The following HCN1 variants were observed in gnomAD, a reference collection of about 807,000 sequenced individuals.
The protein encoded by HCN1 is potassium/sodium hyperpolarization-activated cyclic nucleotide-gated channel 1.
A neutral mutation model predicts 78.9 loss-of-function variants in HCN1; 13 were observed. The observed-to-expected ratio is 0.16, with a 90% CI of 0.11 to 0.26. The LOEUF is 0.26. Among genes scored for constraint, HCN1 ranks in the 10% least tolerant of loss-of-function variants. HCN1 has a pLI of 1.00. For missense variants in HCN1, 810 were observed against 1,154.3 expected (o/e 0.70, Z 4.32); for synonymous variants, 552 against 455.5 (o/e 1.21, Z -2.70).
chr5:45,460,645 G>T (rs1741127192), intron 3 of HCN1, among the ~76,000 whole-genome samples: 1 of 151,756 alleles, frequency 6.6e-6, no homozygotes, highest in South Asian at 2.1e-4. Flanking sequence ...AATGAAGCGA[G>T]ATCTAGGTAA....
chr5:45,673,742 T>G (rs1746203547), intron 1 of HCN1, among the ~76,000 whole-genome samples: 1 of 151,608 alleles, frequency 6.6e-6, no homozygotes, highest in Admixed American at 6.6e-5. Flanking sequence ...TACAATTAAC[T>G]GATAAGACAT....
intron 1 of HCN1, among the ~76,000 whole-genome samples, chr5:45,667,291 T>C (rs1200410227): frequency 6.6e-6 from 1 of 152,018 alleles, no homozygotes; most frequent in Non-Finnish European, 1.5e-5. Flanking sequence ...CAGAGACCCA[T>C]GCTGGTCCTG....
At chr5:45,554,574 C>A (rs533802102) in intron 2 of HCN1, among the ~76,000 whole-genome samples, 1 of 151,676 alleles carries the variant, frequency 6.6e-6, no homozygotes, top group South Asian at 2.1e-4. Context: ...ATCTGAAAAC[C>A]TGGTTGAAAC....
intron 2 of HCN1, among the ~76,000 whole-genome samples, chr5:45,514,592 G>A (rs529962570): frequency 1.3e-5 from 2 of 151,982 alleles, no homozygotes; most frequent in African/African-American, 4.8e-5. Context: ...TTCTTTATCC[G>A]AAAACCAACC....
At chr5:45,469,733 G>A (rs1741349889) in intron 2 of HCN1, among the ~76,000 whole-genome samples, 1 of 151,674 alleles carries the variant, frequency 6.6e-6, no homozygotes, top group Non-Finnish European at 1.5e-5. Flanking sequence ...TCTTTTCATT[G>A]TGTAGTTCTT....
intron 4 of HCN1, among the ~76,000 whole-genome samples, chr5:45,374,053 TATTA>T (rs1747519699): frequency 1.1e-5 from 1 of 91,206 alleles, no homozygotes; most frequent in Non-Finnish European, 2.1e-5. Flanking sequence ...ATATTATATA[TATTA>T]TATATATAAT....
intron 2 of HCN1, among the ~76,000 whole-genome samples, chr5:45,635,328 CA>C (rs1329352787): frequency 6.6e-6 from 1 of 151,988 alleles, no homozygotes; most frequent in East Asian, 1.9e-4. Context: ...CCCCCATTCT[CA>C]ACTCACATCT....
At chr5:45,415,080 A>G (rs1740093974) in intron 3 of HCN1, among the ~76,000 whole-genome samples, 1 of 152,006 alleles carries the variant, frequency 6.6e-6, no homozygotes, top group African/African-American at 2.4e-5. Context: ...CTGTTCTTTC[A>G]CCAACCTTGG....
intron 5 of HCN1, among the ~76,000 whole-genome samples, chr5:45,329,548 G>C (rs1746304379): frequency 6.6e-6 from 1 of 151,372 alleles, no homozygotes; most frequent in African/African-American, 2.4e-5. Flanking sequence ...GTGGAAGTAA[G>C]AAAACTTTTA....
chr5:45,411,345 T>C (rs1740016855), intron 3 of HCN1, among the ~76,000 whole-genome samples: 2 of 151,868 alleles, frequency 1.3e-5, no homozygotes, highest in South Asian at 4.1e-4. Context: ...TTCCCTCTCT[T>C]TCTTTTAACT....
chr5:45,649,433 G>A (rs1198424965), intron 1 of HCN1, among the ~76,000 whole-genome samples: 1 of 151,902 alleles, frequency 6.6e-6, no homozygotes, highest in African/African-American at 2.4e-5. Flanking sequence ...TTATCAACCA[G>A]AGCCCACAGT....
chr5:45,268,429 T>C (rs1744900802), intron 6 of HCN1, among the ~76,000 whole-genome samples: 1 of 152,230 alleles, frequency 6.6e-6, no homozygotes, highest in South Asian at 2.1e-4. Context: ...GAAGTATTTC[T>C]AAAATTTAGT....
At chr5:45,438,535 G>A (rs1740607258) in intron 3 of HCN1, among the ~76,000 whole-genome samples, 1 of 150,908 alleles carries the variant, frequency 6.6e-6, no homozygotes, top group Non-Finnish European at 1.5e-5. Flanking sequence ...AGCTTGCAGT[G>A]AGCCGAATCG....
At chr5:45,429,651 T>A (rs1327154388) in intron 3 of HCN1, among the ~76,000 whole-genome samples, 1 of 152,126 alleles carries the variant, frequency 6.6e-6, no homozygotes, top group Admixed American at 6.6e-5. Context: ...GAAAGCAGAA[T>A]GTTTGAGATT....
intron 2 of HCN1, among the ~76,000 whole-genome samples, chr5:45,553,596 T>A (rs1743417425): frequency 6.6e-6 from 1 of 151,872 alleles, no homozygotes; most frequent in Non-Finnish European, 1.5e-5. Context: ...AATCCACAGA[T>A]GCTCATCACT....
chr5:45,482,062 T>C (rs575192562), intron 2 of HCN1, among the ~76,000 whole-genome samples: 69 of 152,342 alleles, frequency 4.5e-4, no homozygotes, highest in African/African-American at 1.6e-3. Flanking sequence ...TTCCTTTCAA[T>C]TGCCAATCTG....
intron 3 of HCN1, among the ~76,000 whole-genome samples, chr5:45,439,724 T>C (rs1009359928): frequency 6.6e-6 from 1 of 152,060 alleles, no homozygotes; most frequent in Non-Finnish European, 1.5e-5. Flanking sequence ...CAACAGGATA[T>C]TATTTTTATA....
chr5:45,513,952 A>G (rs536362543), intron 2 of HCN1, among the ~76,000 whole-genome samples: 1 of 152,282 alleles, frequency 6.6e-6, no homozygotes, highest in Admixed American at 6.5e-5. Flanking sequence ...GTAAGGGGAT[A>G]CCAAGGGACA....
intron 1 of HCN1, among the ~76,000 whole-genome samples, chr5:45,666,960 T>C (rs1307820707): frequency 6.6e-6 from 1 of 152,014 alleles, no homozygotes; most frequent in African/African-American, 2.4e-5. Flanking sequence ...GCCTAATGTC[T>C]AAGAGAAGAT....
Sources: gnomAD v4.1 joint callset for allele counts (sites outside exome capture counted in the v4.1 genomes callset) on GRCh38, gnomAD v4.1.1 for gene constraint, MANE v1.5 for transcripts, NCBI Gene and HGNC (gene_info 2026-07-23, HGNC 2026-07-21) for gene names.